Variants in CASZ1 observed in about 807,000 individuals in gnomAD.
The protein encoded by CASZ1 is castor zinc finger 1.
In CASZ1, 28 loss-of-function variants were observed where a neutral mutation model predicts 135.2. The ratio of observed to expected loss-of-function variants is 0.21; its 90% CI spans 0.15 to 0.28. CASZ1 has a LOEUF of 0.28. CASZ1 is among the 10% of genes least tolerant of loss of function. The pLI is 1.00. For synonymous variants in CASZ1, 1,068 were observed against 1,073.4 expected, an observed-to-expected ratio of 0.99 and a Z score of 0.10; for missense variants, 2,161 against 2,453.3, an observed-to-expected ratio of 0.88 and a Z score of 2.52.
chr1:10,766,837 G>C (rs552070505), intron 1 of CASZ1, among the ~76,000 whole-genome samples: 1 of 152,226 alleles, frequency 6.6e-6, no homozygotes, highest in Non-Finnish European at 1.5e-5. Context: ...CAACTGGCGA[G>C]TGGAGGGTTG....
Position 10,735,390 on chromosome 1 carries a change from G to A in CASZ1, c.-77+25311C>T, listed in dbSNP as rs1182755443. On this transcript the variant is annotated intron_variant, in intron 2 of 20. Transcript: ENST00000377022. This position sits in a 1 kb window ranked among gnomAD's most constrained non-coding sequence, Gnocchi z 5.1. ...GAGAGAGGCGCCTGCAAACGCAGGC[G>A]AGGCCCGGGAGCTCTGGGAGGGGAC... 6.6e-6 allele frequency among the ~76,000 whole-genome samples: 1 copy of A among 152,180 alleles called. No individual in the cohort carries two copies. Among genetic ancestry groups the A allele is most frequent in the Non-Finnish European group, 1.5e-5 (1 of 68,024 alleles).
intron 13 of CASZ1, 129 bp from the exon 14 acceptor site, chr1:10,649,566 GC>G (rs1642492559): frequency 1.8e-6 from 2 of 1,084,450 alleles, no homozygotes; most frequent in African/African-American, 1.6e-5. Context: ...AGAGAATGCG[GC>G]CCGCCTACTT....
rs1640404284 is a variant in CASZ1 at position 10,762,864 on chromosome 1, G to A, written c.-233-2007C>T. 6.6e-6 allele frequency among the ~76,000 whole-genome samples: 1 copy of A among 152,244 alleles called. No homozygotes were observed. The highest frequency in any genetic ancestry group is 2.4e-5 in the African/African-American group (1 of 41,464). On this transcript the variant is annotated intron_variant, in intron 1 of 20. Transcript: ENST00000377022. This position sits in a 1 kb window ranked among gnomAD's most constrained non-coding sequence, Gnocchi z 4.1. ...GTTTCATGTCCTTGGCTCAGAGGAG[G>A]TTCCAGCTATGGAAGGAAAGGGGGC...
At chr1:10,742,258 G>T (rs772276715) in intron 2 of CASZ1, among the ~76,000 whole-genome samples, 7 of 152,236 alleles carry the variant, frequency 4.6e-5, no homozygotes, top group Non-Finnish European at 1.0e-4. Context: ...GGGAGGGGGC[G>T]GAGGAGAGGG....
At chr1:10,781,105 C>A (rs1640755393) in intron 1 of CASZ1, among the ~76,000 whole-genome samples, 1 of 152,232 alleles carries the variant, frequency 6.6e-6, no homozygotes, top group Non-Finnish European at 1.5e-5. Flanking sequence ...CCAACAAACC[C>A]CCAGGACACA....
Position 10,637,386 on chromosome 1 carries a change from C to T in CASZ1, c.*1556G>A, listed in dbSNP as rs1642027105. 6.6e-6 allele frequency: 1 copy of T among 152,570 alleles called. No homozygotes were observed. Among genetic ancestry groups the T allele is most frequent in the Admixed American group, 6.5e-5 (1 of 15,272 alleles). 9.5% of individuals were successfully genotyped at this position (152,570 alleles called of 1,614,324 possible). On this transcript the variant is annotated 3_prime_UTR_variant, in exon 21 of 21. Coordinates refer to ENST00000377022, the MANE Select transcript of CASZ1 (RefSeq NM_001079843.3). ...CTGCTCCCTGTCCAGTTCGGGTGGTCCTGGCTTTCTGGCTGTGGGCAGCTG... is the reference window on the plus strand; with the variant it reads ...CTGCTCCCTGTCCAGTTCGGGTGGTTCTGGCTTTCTGGCTGTGGGCAGCTG...
chr1:10,760,914 C>T (rs1270455120), intron 1 of CASZ1, 57 bp from the exon 2 acceptor site: 1 of 152,226 alleles, frequency 6.6e-6, no homozygotes. Context: ...CACCCACAAA[C>T]CCACCCCACA....
In CASZ1 at chr1:10,717,352, C is replaced by T. The variant is rs890668702; in HGVS notation, c.-76-11808G>A. Among the ~76,000 whole-genome samples the T allele has an allele frequency of 7.2e-5, 11 of 152,130 alleles. No homozygotes were observed. Among genetic ancestry groups the T allele is most frequent in the East Asian group, 1.9e-4 (1 of 5,202 alleles). ...GTCCGATGCATCTTTCCTGCCTTGC[C>T]GTGCTGGGGTGTTGGTGAGTTGTTG... On this transcript the variant is annotated intron_variant, in intron 2 of 20. Transcript: ENST00000377022. This position sits in a 1 kb window ranked among gnomAD's most constrained non-coding sequence, Gnocchi z 4.6.
chr1:10,724,591 G>A lies in CASZ1; in HGVS notation c.-76-19047C>T, dbSNP rs1044552582. On this transcript the variant is annotated intron_variant, in intron 2 of 20. Coordinates refer to ENST00000377022, the MANE Select transcript of CASZ1 (RefSeq NM_001079843.3). This position sits in a 1 kb window ranked among gnomAD's most constrained non-coding sequence, Gnocchi z 4.1. ...AATCACCTAGCCCTCAGGGGTAGGG[G>A]CTCAGGGAGTGGGAGCAGAGAGTGT... Among the ~76,000 whole-genome samples, 5 of 152,196 alleles carry A rather than the reference G, an allele frequency of 3.3e-5. No individual in the cohort carries two copies. The highest frequency in any genetic ancestry group is 7.3e-5 in the Non-Finnish European group (5 of 68,028).
intron 20 of CASZ1, among the ~76,000 whole-genome samples, chr1:10,641,606 G>A (rs974529225): frequency 1.3e-5 from 2 of 152,208 alleles, no homozygotes; most frequent in African/African-American, 2.4e-5. Context: ...CTGAACCTGG[G>A]CAGGTCCCAG....
At chr1:10,648,930 G>A (rs1642461994) in intron 15 of CASZ1, 140 bp downstream of exon 15, 3 of 1,212,088 alleles carry the variant, frequency 2.5e-6, no homozygotes, top group Admixed American at 2.4e-5. Context: ...GCCCACCCTT[G>A]CTGGGGCAGC....
Position 10,727,297 on chromosome 1 carries a change from C to A in CASZ1, c.-76-21753G>T, listed in dbSNP as rs1028949816. On this transcript the variant is annotated intron_variant, in intron 2 of 20. Coordinates refer to ENST00000377022, the MANE Select transcript of CASZ1 (RefSeq NM_001079843.3). The surrounding 1 kb of genome is among the most constrained non-coding windows in gnomAD (Gnocchi z 5.3). ...CTGCTGTTTGAGCCCAGCCCCAGCCCCCACTCCAGGTCATCGGCCATCCAG... is the reference window on the plus strand; with the variant it reads ...CTGCTGTTTGAGCCCAGCCCCAGCCACCACTCCAGGTCATCGGCCATCCAG... Among the ~76,000 whole-genome samples, 3 of 152,128 alleles carry A rather than the reference C, an allele frequency of 2.0e-5. No individual in the cohort carries two copies. Among genetic ancestry groups the A allele is most frequent in the African/African-American group, 7.2e-5 (3 of 41,422 alleles).
Position 10,647,599 on chromosome 1 carries a change from G to A in CASZ1, c.3497+202C>T. On this transcript the variant is annotated intron_variant, in intron 16 of 20. Coordinates refer to ENST00000377022, the MANE Select transcript of CASZ1 (RefSeq NM_001079843.3). This position sits in a 1 kb window ranked among gnomAD's most constrained non-coding sequence, Gnocchi z 4.9. ...CTGCCGCCACCATCGGCCCACGCGG[G>A]CTGGCCTGCTCTGGGACAGGCAGTG... 21 of 1,435,528 alleles carry A rather than the reference G, an allele frequency of 1.5e-5. No homozygotes were observed. Among genetic ancestry groups the A allele is most frequent in the Non-Finnish European group, 1.8e-5 (20 of 1,098,198 alleles). The allele number at this position is 1,435,528 out of a possible 1,614,324, so 88.9% of individuals were successfully genotyped here. A position where few individuals can be genotyped will look rare whatever the true frequency, so the allele number is the denominator to read the frequency against.
chr1:10,795,987 T>C (rs1402516272), intron 1 of CASZ1, among the ~76,000 whole-genome samples: 1 of 145,698 alleles, frequency 6.9e-6, no homozygotes, highest in Admixed American at 6.8e-5. Flanking sequence ...TCTTGCAAAG[T>C]CACCCCAGGC....
At chr1:10,691,684 G>A (rs1307578132) in intron 4 of CASZ1, among the ~76,000 whole-genome samples, 3 of 152,208 alleles carry the variant, frequency 2.0e-5, no homozygotes, top group Non-Finnish European at 2.9e-5. Flanking sequence ...GAAGTTGAGG[G>A]AGCTGTTCCC....
chr1:10,779,028 C>T (rs36083532), intron 1 of CASZ1, among the ~76,000 whole-genome samples: 73,407 of 152,144 alleles, frequency 0.48, 21,674 homozygotes, highest in Non-Finnish European at 0.67. Context: ...ATCAACCCCA[C>T]GAGCTAAATG....
At chr1:10,677,506 G>A (rs990341136) in intron 4 of CASZ1, among the ~76,000 whole-genome samples, 7 of 152,166 alleles carry the variant, frequency 4.6e-5, no homozygotes, top group South Asian at 2.1e-4. Context: ...GGCTGGACAC[G>A]GAGCTAAGGA....
intron 1 of CASZ1, among the ~76,000 whole-genome samples, chr1:10,780,383 C>T (rs1034482818): frequency 1.3e-5 from 2 of 152,212 alleles, no homozygotes; most frequent in African/African-American, 2.4e-5. Context: ...AGTTTGCCTT[C>T]TCCAGTGCAG....
At position 10,715,591 on chromosome 1, in the gene CASZ1, A is replaced by G. The variant is rs1307070720; in HGVS notation, c.-76-10047T>C. Among the ~76,000 whole-genome samples, 150 of 135,454 alleles carry G rather than the reference A, an allele frequency of 1.1e-3. 1 individual carries two copies. The highest frequency in any genetic ancestry group is 3.8e-3 in the African/African-American group (134 of 35,028). 88.9% of individuals were successfully genotyped at this position (135,454 alleles called of 152,430 possible). A position where few individuals can be genotyped will look rare whatever the true frequency, so the allele number is the denominator to read the frequency against. ...TCCAATCCGCACCTCACAGCACCCA[A>G]TCCGCACCCCACAGCACCCAATCCG... On this transcript the variant is annotated intron_variant, in intron 2 of 20. Coordinates refer to ENST00000377022, the MANE Select transcript of CASZ1 (RefSeq NM_001079843.3).
Sources: allele counts gnomAD v4.1 joint callset (sites outside exome capture counted in the v4.1 genomes callset), GRCh38; gene constraint gnomAD v4.1.1; non-coding constraint Gnocchi (gnomAD v3.1); transcripts MANE v1.5; gene names NCBI Gene and HGNC (gene_info 2026-07-23, HGNC 2026-07-21).